TENM3: variants seen among roughly 807,000 people sequenced by gnomAD.
TENM3 encodes teneurin transmembrane protein 3.
A neutral mutation model predicts 255.1 loss-of-function variants in TENM3; 63 were observed. The ratio of observed to expected loss-of-function variants is 0.25; its 90% CI spans 0.20 to 0.30. TENM3 has a LOEUF of 0.30. Among genes scored for constraint, TENM3 ranks in the 10% least tolerant of loss-of-function variants. TENM3 has a pLI of 1.00. For missense variants in TENM3, 2,929 were observed against 3,461.1 expected, an observed-to-expected ratio of 0.85 and a Z score of 3.86; for synonymous variants, 1,306 against 1,322.3, an observed-to-expected ratio of 0.99 and a Z score of 0.27.
upstream of TENM3, chr4:182,144,385 C>G (rs1167341051): frequency 6.6e-6 from 1 of 152,628 alleles, no homozygotes; most frequent in Non-Finnish European, 1.5e-5. Flanking sequence ...GGTCCTCCCG[C>G]TCGCGGGCTG....
chr4:181,553,260 AGTGTGTGTGTGTGT>A, the TENM3 span, among the ~76,000 whole-genome samples: 4 of 133,556 alleles, frequency 3.0e-5, no homozygotes, highest in Non-Finnish European at 4.7e-5. Flanking sequence ...ATAGTCATTA[AGTGTGTGTGTGTGT>A]GTGTGTGTGT....
intron 3 of TENM3, among the ~76,000 whole-genome samples, chr4:182,491,106 T>G (rs1474908044): frequency 1.3e-5 from 2 of 152,222 alleles, no homozygotes; most frequent in Admixed American, 1.3e-4. Flanking sequence ...TACTGTGTTT[T>G]GCAAACAAAA....
At chr4:181,475,470 T>G in the TENM3 span, among the ~76,000 whole-genome samples, 1 of 152,222 alleles carries the variant, frequency 6.6e-6, no homozygotes, top group Non-Finnish European at 1.5e-5. Context: ...TAGAATATTT[T>G]TGCCTCTGTG....
At chr4:182,664,301 A>G (rs1207821133) in intron 6 of TENM3, among the ~76,000 whole-genome samples, 1 of 152,172 alleles carries the variant, frequency 6.6e-6, no homozygotes, top group Non-Finnish European at 1.5e-5. Flanking sequence ...TCAATCAGTG[A>G]CCTTTGATGT....
chr4:181,616,326 C>G, the TENM3 span, among the ~76,000 whole-genome samples: 1 of 137,888 alleles, frequency 7.3e-6, no homozygotes, highest in Non-Finnish European at 1.5e-5. Context: ...CACACACACA[C>G]ACACACACAC....
At chr4:181,482,017 T>G in the TENM3 span, among the ~76,000 whole-genome samples, 1 of 152,142 alleles carries the variant, frequency 6.6e-6, no homozygotes, top group Non-Finnish European at 1.5e-5. Context: ...ATCAGAACAA[T>G]TAGGAAGTAT....
At chr4:182,574,890 T>A (rs889243119) in intron 3 of TENM3, among the ~76,000 whole-genome samples, 4 of 152,182 alleles carry the variant, frequency 2.6e-5, no homozygotes, top group Non-Finnish European at 1.5e-5. Context: ...GTCACCTCGG[T>A]GACACAGATA....
chr4:181,785,958 C>T, the TENM3 span, among the ~76,000 whole-genome samples: 1 of 152,084 alleles, frequency 6.6e-6, no homozygotes, highest in East Asian at 1.9e-4. Flanking sequence ...ATAAATGAAA[C>T]AATGCCTGAA....
chr4:182,676,207 G>A (rs1236596142), intron 7 of TENM3, among the ~76,000 whole-genome samples: 1 of 152,202 alleles, frequency 6.6e-6, no homozygotes, highest in African/African-American at 2.4e-5. Flanking sequence ...AAAACTGCCC[G>A]TTTGATTGTT....
chr4:182,084,725 GAA>G, the TENM3 span: 16 of 152,082 alleles, frequency 1.1e-4, no homozygotes, highest in Admixed American at 1.0e-3. Context: ...TATTTACAAG[GAA>G]AACTGGTGAC....
chr4:182,647,261 C>A (rs1456346085), intron 5 of TENM3, among the ~76,000 whole-genome samples: 1 of 152,190 alleles, frequency 6.6e-6, no homozygotes, highest in Non-Finnish European at 1.5e-5. Flanking sequence ...AATTTATCGT[C>A]TTACACATTT....
the TENM3 span, among the ~76,000 whole-genome samples, chr4:181,789,872 C>T: frequency 1.3e-5 from 2 of 152,092 alleles, no homozygotes; most frequent in African/African-American, 4.8e-5. Context: ...TGTCCTATGC[C>T]CTACACATCC....
chr4:181,604,187 C>T, the TENM3 span, among the ~76,000 whole-genome samples: 2 of 152,088 alleles, frequency 1.3e-5, no homozygotes, highest in East Asian at 3.9e-4. Context: ...ATGGCGTGAA[C>T]CCGGGAGGCG....
the TENM3 span, among the ~76,000 whole-genome samples, chr4:181,736,698 A>G: frequency 1.3e-5 from 2 of 151,998 alleles, no homozygotes; most frequent in Non-Finnish European, 2.9e-5. Flanking sequence ...GTTATTTTTA[A>G]ATCACGAACA....
the TENM3 span, among the ~76,000 whole-genome samples, chr4:181,884,312 A>C: frequency 6.6e-6 from 1 of 151,200 alleles, no homozygotes; most frequent in Admixed American, 6.6e-5. Context: ...TAATAAATAT[A>C]TAATGTAAAA....
intron 22 of TENM3, among the ~76,000 whole-genome samples, chr4:182,757,623 A>C (rs960693700): frequency 1.3e-5 from 2 of 152,184 alleles, no homozygotes; most frequent in African/African-American, 4.8e-5. Flanking sequence ...GGATAGTATA[A>C]ACCAATTTGG....
intron 6 of TENM3, among the ~76,000 whole-genome samples, chr4:182,657,702 G>A (rs1427123789): frequency 6.6e-6 from 1 of 152,116 alleles, no homozygotes; most frequent in African/African-American, 2.4e-5. Context: ...CGCCCAGGCT[G>A]GAATGCAGTG....
the TENM3 span, among the ~76,000 whole-genome samples, chr4:181,845,806 T>G: frequency 6.6e-6 from 1 of 152,324 alleles, no homozygotes; most frequent in Non-Finnish European, 1.5e-5. Context: ...GACATATTAG[T>G]CATTACTACA....
intron 3 of TENM3, among the ~76,000 whole-genome samples, chr4:182,517,058 T>C (rs1738044465): frequency 6.6e-6 from 1 of 151,976 alleles, no homozygotes; most frequent in Non-Finnish European, 1.5e-5. Flanking sequence ...GATTATAAAA[T>C]ATGAGACCTG....
Sources: allele counts gnomAD v4.1 joint callset (sites outside exome capture counted in the v4.1 genomes callset), GRCh38; gene constraint gnomAD v4.1.1; transcripts MANE v1.5; gene names NCBI Gene and HGNC (gene_info 2026-07-23, HGNC 2026-07-21).